NLRP14: variants seen among roughly 807,000 people sequenced by gnomAD.
NLRP14 encodes NACHT, LRR and PYD domains-containing protein 14.
In NLRP14, 105 loss-of-function variants were observed where a neutral mutation model predicts 94.7. That is an observed-to-expected ratio of 1.11 (90% CI 0.95 to 1.30). The LOEUF is 1.30. Ranked by LOEUF, NLRP14 falls within the 50% of genes most tolerant of loss-of-function variation. The pLI, the probability that NLRP14 is intolerant of heterozygous loss-of-function variation, is 0.00. For missense variants in NLRP14, 1,362 were observed against 1,254.1 expected (o/e 1.09, Z -1.30); for synonymous variants, 508 against 459.9 (o/e 1.10, Z -1.34).
At position 7,022,559 on chromosome 11, in the gene NLRP14, G is replaced by A. The variant is rs118138530; in HGVS notation, c.-22+1789G>A. On this transcript the variant is annotated intron_variant, in intron 1 of 11. Transcript: ENST00000299481. ...ATCCTGATGAAAAGGGAATCTTTAA[G>A]CAGCCAACCTAAAACTTGGTGGTTT... 3.3e-3 allele frequency among the ~76,000 whole-genome samples: 505 copies of A among 152,306 alleles called. 1 individual carries two copies. The highest frequency in any genetic ancestry group is 6.3e-3 in the Non-Finnish European group (430 of 68,022).
intron 1 of NLRP14, among the ~76,000 whole-genome samples, chr11:7,028,159 T>C (rs1852040262): frequency 6.6e-6 from 1 of 152,204 alleles, no homozygotes; most frequent in Admixed American, 6.5e-5. Flanking sequence ...AACTCCTTCC[T>C]TGTCAATTTG....
At chr11:7,044,195 T>A (rs80049918) in intron 4 of NLRP14, among the ~76,000 whole-genome samples, 3 of 152,082 alleles carry the variant, frequency 2.0e-5, no homozygotes, top group Non-Finnish European at 2.9e-5. Flanking sequence ...CTGAGATGGC[T>A]TTTTTTGGCC....
At chr11:7,089,745 C>T in the NLRP14 span, 3 of 1,553,428 alleles carry the variant, frequency 1.9e-6, no homozygotes, top group Non-Finnish European at 2.6e-6. Flanking sequence ...CTACCTGGGC[C>T]CGCGGGATGA....
rs771490533 is a variant in NLRP14, at chr11:7,043,089, T to G, written c.1063T>G (p.Ser355Ala). 1.2e-6 allele frequency: 2 copies of G among 1,614,038 alleles called. No individual in the cohort carries two copies. Among genetic ancestry groups the G allele is most frequent in the Non-Finnish European group, 1.7e-6 (2 of 1,180,028 alleles). Residue 355 changes from serine (S) to alanine (A), a missense_variant, in exon 4 of 12, where the codon TCA (serine) becomes GCA (alanine). Ser to Ala is a moderately conservative substitution (Grantham distance 99). Coordinates refer to ENST00000299481, the MANE Select transcript of NLRP14 (RefSeq NM_176822.4). ...GAGGTGGGCCATGAAAGTATTCAGT[T>G]CACTAAAAAGCAATGAGATGCTGTT... ...DKRWAMKVFSSLKSNEMLFSM... is the reference protein window; with the variant it reads ...DKRWAMKVFSALKSNEMLFSM...
intron 1 of NLRP14, among the ~76,000 whole-genome samples, chr11:7,022,183 T>A (rs1851955553): frequency 6.6e-6 from 1 of 152,176 alleles, no homozygotes; most frequent in South Asian, 2.1e-4. Context: ...TCTGCATTTT[T>A]TATGACTCTG....
the NLRP14 span, chr11:7,088,949 A>T: frequency 1.4e-6 from 1 of 725,662 alleles, no homozygotes; most frequent in South Asian, 1.9e-5. Flanking sequence ...CCGACCAATC[A>T]CAGGCAGCAG....
In NLRP14 at chr11:7,043,988, A is replaced by T; in HGVS notation, c.1958+4A>T. 1 of 1,613,654 alleles carries T rather than the reference A, an allele frequency of 6.2e-7. No individual in the cohort carries two copies. The highest frequency in any genetic ancestry group is 8.5e-7 in the Non-Finnish European group (1 of 1,179,558). ...CAAGCCTCCCAACTAACACTTGGTA[A>T]GTGTGTTAGGGCCATTCCCTGGAAG... On this transcript the variant is annotated splice_donor_region_variant and intron_variant, in intron 4 of 11. Coordinates refer to ENST00000299481, the MANE Select transcript of NLRP14 (RefSeq NM_176822.4).
chr11:7,049,810 C>T lies in NLRP14; in HGVS notation c.2263C>T (p.His755Tyr). Reference sequence around the variant, plus strand: ...AAAGTCATTGTGTGAGGCCTTGAAACACCCAGAGTGTAAACTACAGACTCT... The same window carrying T: ...AAAGTCATTGTGTGAGGCCTTGAAATACCCAGAGTGTAAACTACAGACTCT... ...GVKSLCEALK[H>Y]PECKLQTLRL... is the part of the protein sequence containing the mutation. The change falls in exon 6 of 12, where the codon CAC becomes TAC. Residue 755 changes from histidine to tyrosine, a missense_variant. Transcript: ENST00000299481. 2.5e-6 allele frequency: 4 copies of T among 1,612,730 alleles called. No homozygotes were observed. The highest frequency in any genetic ancestry group is 3.4e-6 in the Non-Finnish European group (4 of 1,178,820).
chr11:7,055,259 G>C (rs760043950), intron 6 of NLRP14, among the ~76,000 whole-genome samples: 4 of 152,062 alleles, frequency 2.6e-5, no homozygotes, highest in Non-Finnish European at 5.9e-5. Context: ...TAGTGGAAAT[G>C]CTCCTTCTCT....
In NLRP14 at chr11:7,058,438, T is replaced by G; in HGVS notation, c.2621T>G (p.Leu874Arg). 6.2e-7 allele frequency: 1 copy of G among 1,611,210 alleles called. No homozygotes were observed. Among genetic ancestry groups the G allele is most frequent in the Non-Finnish European group, 8.5e-7 (1 of 1,177,572 alleles). The part of the protein sequence containing the change: ...SDALQHAQCT[L>R]KSLVLRRCHF... ...GCCCTGCAACATGCACAATGTACTC[T>G]GAAGAGCCTTGTGTAAGTGTCTTCA... The change falls in exon 8 of 12, where the codon CTG becomes CGG. Residue 874 changes from leucine (L) to arginine (R), a missense_variant. Transcript: ENST00000299481.
chr11:7,082,271 A>T, the NLRP14 span, among the ~76,000 whole-genome samples: 1 of 152,144 alleles, frequency 6.6e-6, no homozygotes, highest in African/African-American at 2.4e-5. Context: ...TTTCCAATTC[A>T]TTTGACTATC....
the NLRP14 span, among the ~76,000 whole-genome samples, chr11:7,083,104 G>A: frequency 1.9e-4 from 29 of 152,192 alleles, no homozygotes; most frequent in African/African-American, 7.0e-4. Flanking sequence ...CCCTGTGGGA[G>A]AAATTGCATA....
chr11:7,064,430 A>C lies in NLRP14; in HGVS notation c.2975+1927A>C, dbSNP rs375345519. On this transcript the variant is annotated intron_variant, in intron 10 of 11. Transcript: ENST00000299481. ...ACCACATAATTATTTTGCCAGGCCA[A>C]GGTGTTGGATCTAGGAGAAAAAAGA... Among the ~76,000 whole-genome samples the C allele has an allele frequency of 7.2e-5, 11 of 152,184 alleles. No homozygotes were observed. The South Asian group carries it at 2.1e-3, about 29-fold the overall frequency.
chr11:7,058,757 C>T (rs1162204613), intron 8 of NLRP14, among the ~76,000 whole-genome samples: 1 of 151,922 alleles, frequency 6.6e-6, no homozygotes, highest in Non-Finnish European at 1.5e-5. Context: ...CTTAATATCT[C>T]ACAAGAAAAT....
chr11:7,030,802 TC>T (rs1468955058), intron 1 of NLRP14, among the ~76,000 whole-genome samples: 2 of 151,988 alleles, frequency 1.3e-5, no homozygotes, highest in Non-Finnish European at 2.9e-5. Flanking sequence ...GAAAGGTCCT[TC>T]AAAGCTGGGG....
In NLRP14 at chr11:7,038,613, C is replaced by G. The variant is rs1386796742; in HGVS notation, c.27C>G (p.Phe9Leu). MADSSSSS[F>L]FPDFGLLLYL... ...TGGCAGATTCATCATCATCTTCTTT[C>G]TTTCCTGATTTTGGGCTGCTATTGT... Residue 9 changes from phenylalanine (F) to leucine (L), a missense_variant, in exon 2 of 12, where the codon TTC becomes TTG. Physicochemically the swap from Phe to Leu is conservative, Grantham distance 22. Coordinates refer to ENST00000299481, the MANE Select transcript of NLRP14 (RefSeq NM_176822.4). The G allele has an allele frequency of 6.2e-7, 1 of 1,613,988 alleles. No individual in the cohort carries two copies. The highest frequency in any genetic ancestry group is 1.1e-5 in the South Asian group (1 of 91,070).
intron 6 of NLRP14, among the ~76,000 whole-genome samples, chr11:7,055,463 G>A (rs1852504141): frequency 6.6e-6 from 1 of 152,088 alleles, no homozygotes; most frequent in Admixed American, 6.6e-5. Flanking sequence ...AAATTACACA[G>A]CAGACATTTT....
chr11:7,054,998 G>A (rs1356792989), intron 6 of NLRP14, among the ~76,000 whole-genome samples: 3 of 152,138 alleles, frequency 2.0e-5, no homozygotes, highest in Non-Finnish European at 4.4e-5. Context: ...AGAGATAGGA[G>A]TCTAGTTTCC....
At chr11:7,084,495 C>T in the NLRP14 span, among the ~76,000 whole-genome samples, 1 of 152,100 alleles carries the variant, frequency 6.6e-6, no homozygotes, top group African/African-American at 2.4e-5. Flanking sequence ...GGGAAATGGA[C>T]TAGAGATTGA....
Sources: allele counts gnomAD v4.1 joint callset (sites outside exome capture counted in the v4.1 genomes callset), GRCh38; gene constraint gnomAD v4.1.1; transcripts MANE v1.5; gene names NCBI Gene and HGNC (gene_info 2026-07-23, HGNC 2026-07-21).